Variants in ATP8A2 observed in about 807,000 individuals in gnomAD.
The protein encoded by ATP8A2 is phospholipid-transporting ATPase IB.
A neutral mutation model predicts 165.6 loss-of-function variants in ATP8A2; 100 were observed. That is an observed-to-expected ratio of 0.60 (90% confidence interval 0.51 to 0.71). The LOEUF (loss-of-function observed/expected upper bound fraction) is 0.71. Among genes scored for constraint, ATP8A2 ranks in the 30% least tolerant of loss-of-function variants. The pLI is 0.00. For synonymous variants in ATP8A2, 543 were observed against 548.8 expected (o/e 0.99, Z 0.15); for missense variants, 1,227 against 1,479.5 (o/e 0.83, Z 2.80).
intron 24 of ATP8A2, among the ~76,000 whole-genome samples, chr13:25,693,643 C>G (rs1402378315): frequency 2.6e-5 from 4 of 151,128 alleles, no homozygotes; most frequent in African/African-American, 9.7e-5. Context: ...ACCAAGAGGT[C>G]AGAGAGAGAC....
chr13:25,474,486 T>C (rs1020482083), intron 2 of ATP8A2, among the ~76,000 whole-genome samples: 28 of 150,552 alleles, frequency 1.9e-4, no homozygotes, highest in Non-Finnish European at 2.5e-4. Flanking sequence ...GGTGTGAACC[T>C]GGGAGGCAGA....
intron 1 of ATP8A2, among the ~76,000 whole-genome samples, chr13:25,458,554 C>T (rs1235754352): frequency 6.6e-6 from 1 of 152,176 alleles, no homozygotes; most frequent in Non-Finnish European, 1.5e-5. Context: ...ATTCCAGCCA[C>T]TATAATTTTA....
chr13:25,475,351 T>C (rs991139051), intron 2 of ATP8A2, among the ~76,000 whole-genome samples: 1 of 152,238 alleles, frequency 6.6e-6, no homozygotes, highest in Non-Finnish European at 1.5e-5. Flanking sequence ...AGACATGATC[T>C]CATTCTTTTT....
chr13:25,551,570 T>C lies in ATP8A2; in HGVS notation c.1057+67T>C, dbSNP rs563206748. 20 of 1,490,224 alleles carry C rather than the reference T, an allele frequency of 1.3e-5. No individual in the cohort carries two copies. In the South Asian group the frequency reaches 2.5e-4, roughly 19 times the overall value. The allele number at this position is 1,490,224 out of a possible 1,614,324, so 92.3% of individuals were successfully genotyped here. ...CATTTTTGAGATGTTCTTGCAGCCA[T>C]GGTTGAAGTGTGGTGTCCCTGCTGT... On this transcript the variant is annotated intron_variant, in intron 11 of 36. Coordinates refer to ENST00000381655, the MANE Select transcript of ATP8A2 (RefSeq NM_016529.6).
intron 33 of ATP8A2, among the ~76,000 whole-genome samples, chr13:25,901,127 T>C (rs939436788): frequency 4.6e-5 from 7 of 152,170 alleles, no homozygotes; most frequent in African/African-American, 1.2e-4. Flanking sequence ...AGCAACTGGC[T>C]AAGCCCATGA....
chr13:25,930,443 T>G (rs1954739392), intron 33 of ATP8A2, among the ~76,000 whole-genome samples: 3 of 143,278 alleles, frequency 2.1e-5, no homozygotes, highest in African/African-American at 5.1e-5. Context: ...GGCTATTGCC[T>G]CTGTGTGCAG....
intron 1 of ATP8A2, among the ~76,000 whole-genome samples, chr13:25,380,882 C>T (rs2032812470): frequency 6.6e-6 from 1 of 152,070 alleles, no homozygotes; most frequent in African/African-American, 2.4e-5. Context: ...TTGGATTCCC[C>T]AAGTATTAAA....
chr13:25,556,557 T>G (rs1003086929), intron 13 of ATP8A2, among the ~76,000 whole-genome samples: 3 of 152,254 alleles, frequency 2.0e-5, no homozygotes, highest in African/African-American at 7.2e-5. Context: ...TCTCCCATTC[T>G]GTAGGTTGTC....
At chr13:25,951,277 T>G (rs915771363) in intron 33 of ATP8A2, among the ~76,000 whole-genome samples, 4 of 152,232 alleles carry the variant, frequency 2.6e-5, no homozygotes, top group African/African-American at 9.6e-5. Flanking sequence ...AATTGTGATC[T>G]ATTCGTGCAA....
intron 33 of ATP8A2, among the ~76,000 whole-genome samples, chr13:25,959,676 G>T (rs1955611771): frequency 6.6e-6 from 1 of 152,196 alleles, no homozygotes; most frequent in African/African-American, 2.4e-5. Context: ...AGTGGCAGTA[G>T]AATACGACAT....
intron 1 of ATP8A2, among the ~76,000 whole-genome samples, chr13:25,389,942 A>G (rs996562718): frequency 1.3e-5 from 2 of 152,224 alleles, no homozygotes; most frequent in Admixed American, 1.3e-4. Flanking sequence ...GTCATGGTCA[A>G]CTTTTAAGAA....
intron 24 of ATP8A2, among the ~76,000 whole-genome samples, chr13:25,592,642 T>A (rs1462431985): frequency 6.6e-6 from 1 of 152,242 alleles, no homozygotes; most frequent in Admixed American, 6.5e-5. Flanking sequence ...GATGATTTTC[T>A]GGTTCAAAGG....
chr13:25,390,668 G>A (rs1254192065), intron 1 of ATP8A2, among the ~76,000 whole-genome samples: 3 of 152,094 alleles, frequency 2.0e-5, no homozygotes, highest in African/African-American at 7.2e-5. Flanking sequence ...AGTGGCTCAC[G>A]CCTGTAATCT....
intron 33 of ATP8A2, among the ~76,000 whole-genome samples, chr13:25,957,160 A>T (rs984819968): frequency 4.6e-5 from 7 of 152,258 alleles, no homozygotes; most frequent in Non-Finnish European, 7.3e-5. Context: ...ACCTAAAATC[A>T]TAAAAACCCT....
chr13:25,960,590 C>G (rs186704631), intron 33 of ATP8A2, among the ~76,000 whole-genome samples: 12 of 152,260 alleles, frequency 7.9e-5, no homozygotes, highest in African/African-American at 2.9e-4. Flanking sequence ...GGTGGCCCAC[C>G]CTTGTAGGCC....
intron 33 of ATP8A2, among the ~76,000 whole-genome samples, chr13:25,910,080 A>G (rs191509917): frequency 6.6e-6 from 1 of 152,244 alleles, no homozygotes; most frequent in African/African-American, 2.4e-5. Context: ...GGCTTTTGTG[A>G]AGAATACCGC....
intron 25 of ATP8A2, among the ~76,000 whole-genome samples, chr13:25,721,214 T>C (rs1382299731): frequency 6.6e-6 from 1 of 152,040 alleles, no homozygotes; most frequent in East Asian, 1.9e-4. Flanking sequence ...AGCTTTTTTT[T>C]TTTTCAATAA....
chr13:25,385,727 C>T (rs1461158142), intron 1 of ATP8A2, among the ~76,000 whole-genome samples: 1 of 152,092 alleles, frequency 6.6e-6, no homozygotes, highest in Admixed American at 6.6e-5. Flanking sequence ...AAGTCTTGCT[C>T]TGTTTCCAGG....
At chr13:25,939,311 A>G (rs556866892) in intron 33 of ATP8A2, among the ~76,000 whole-genome samples, 5 of 152,162 alleles carry the variant, frequency 3.3e-5, no homozygotes, top group South Asian at 2.1e-4. Flanking sequence ...AGAGCTTCCA[A>G]TCTATGGATC....
Sources: allele counts gnomAD v4.1 joint callset (sites outside exome capture counted in the v4.1 genomes callset), GRCh38; gene constraint gnomAD v4.1.1; transcripts MANE v1.5; gene names NCBI Gene and HGNC (gene_info 2026-07-23, HGNC 2026-07-21).